Variants in OPA3 observed in about 807,000 individuals in gnomAD.
The protein encoded by OPA3 is optic atrophy 3 protein.
A neutral mutation model predicts 4.0 loss-of-function variants in OPA3; 6 were observed. The observed-to-expected ratio is 1.51, with a 90% confidence interval of 0.83 to 2.99. OPA3 has a LOEUF of 2.99. OPA3 is among the 30% of genes most tolerant of loss of function. The probability of loss-of-function intolerance (pLI) is 0.00; values close to 1 mark genes in which losing one functional copy is unlikely to be tolerated. For missense variants in OPA3, 235 were observed against 256.2 expected (o/e 0.92, Z 0.56); for synonymous variants, 105 against 117.1 (o/e 0.90, Z 0.67).
intron 1 of OPA3, among the ~76,000 whole-genome samples, chr19:45,538,040 G>C (rs1356200539): frequency 6.9e-6 from 1 of 144,004 alleles, no homozygotes; most frequent in Non-Finnish European, 1.5e-5. Context: ...GTTGCAGGTT[G>C]CAGTGAGCTG....
chr19:45,551,812 G>A lies in OPA3; in HGVS notation c.*1702C>T, dbSNP rs1969337281. The A allele has an allele frequency of 2.0e-6, 2 of 985,382 alleles. No homozygotes were observed. The highest frequency in any genetic ancestry group is 2.4e-6 in the Non-Finnish European group (2 of 829,996). The allele number at this position is 985,382 out of a possible 1,614,324, so 61.0% of individuals were successfully genotyped here. A position where few individuals can be genotyped will look rare whatever the true frequency, so the allele number is the denominator to read the frequency against. On this transcript the variant is annotated 3_prime_UTR_variant, in exon 2 of 2. Coordinates refer to ENST00000263275, the MANE Select transcript of OPA3 (RefSeq NM_025136.4). ...CTGTCGGGTCAGTCCAGAGCTCCGA[G>A]GAAAGAAAGCAAGAGCACACAGATT...
chr19:45,583,847 G>C (rs1466772261), intron 1 of OPA3, among the ~76,000 whole-genome samples: 2 of 152,180 alleles, frequency 1.3e-5, no homozygotes, highest in Non-Finnish European at 2.9e-5. Context: ...CCTCTAGGCA[G>C]CCCTGCTGGC....
chr19:45,544,937 C>T (rs894573632), downstream of OPA3, among the ~76,000 whole-genome samples: 43 of 149,754 alleles, frequency 2.9e-4, no homozygotes, highest in African/African-American at 1.0e-3. Context: ...GAGCCGAGAT[C>T]GTGTCATTGC....
rs1220531714 is a variant in OPA3, at chr19:45,550,506, G to A, written c.*3008C>T. On this transcript the variant is annotated 3_prime_UTR_variant, in exon 2 of 2. Coordinates refer to ENST00000263275, the MANE Select transcript of OPA3 (RefSeq NM_025136.4). ...CCCTCCCAGCCTCTGCTCAGCCATCGCCTCTCCCTCCTCACTCTGCAGCTG... is the reference window on the plus strand; with the variant it reads ...CCCTCCCAGCCTCTGCTCAGCCATCACCTCTCCCTCCTCACTCTGCAGCTG... The A allele has an allele frequency of 1.6e-5, 16 of 986,566 alleles. No homozygotes were observed. The highest frequency in any genetic ancestry group is 1.8e-5 in the Non-Finnish European group (15 of 830,994). The allele number at this position is 986,566 out of a possible 1,614,324, so 61.1% of individuals were successfully genotyped here.
At chr19:45,564,992 C>G (rs908396490) in intron 1 of OPA3, among the ~76,000 whole-genome samples, 1 of 150,872 alleles carries the variant, frequency 6.6e-6, no homozygotes, top group South Asian at 2.1e-4. Flanking sequence ...TTCGGGAGAC[C>G]GAGGTGGGCG....
chr19:45,539,732 C>T lies in OPA3; in HGVS notation c.143-10276G>A, dbSNP rs201173015. On this transcript the variant is annotated intron_variant, in intron 1 of 1. Coordinates refer to the OPA3 transcript ENST00000323060. ...GCGCGTCACTGCACTCCAGCCTGGG[C>T]GACAGAGCCAGACCTTGTCTCAAAA... is the stretch of plus-strand genomic sequence containing the variant. Among the ~76,000 whole-genome samples the T allele has an allele frequency of 1.4e-4, 21 of 148,278 alleles. No individual in the cohort carries two copies. The East Asian group carries it at 1.6e-3, about 11-fold the overall frequency.
downstream of OPA3, among the ~76,000 whole-genome samples, chr19:45,543,390 G>A (rs775916585): frequency 4.6e-5 from 7 of 151,086 alleles, no homozygotes; most frequent in African/African-American, 9.7e-5. Context: ...ACGTGATCTC[G>A]GCTCACTGTA....
chr19:45,576,297 A>C (rs920077518), intron 1 of OPA3, among the ~76,000 whole-genome samples: 10 of 152,112 alleles, frequency 6.6e-5, no homozygotes, highest in African/African-American at 1.9e-4. Context: ...TTGGGAGGCC[A>C]AGGCAGGTGG....
intron 1 of OPA3, among the ~76,000 whole-genome samples, chr19:45,562,748 C>T (rs764234676): frequency 8.5e-5 from 13 of 152,114 alleles, no homozygotes; most frequent in Non-Finnish European, 1.6e-4. Flanking sequence ...TGGAGAAGAT[C>T]CTGGAACAGG....
At chr19:45,557,003 C>T (rs942601961) in intron 1 of OPA3, among the ~76,000 whole-genome samples, 7 of 152,346 alleles carry the variant, frequency 4.6e-5, no homozygotes, top group Non-Finnish European at 7.4e-5. Context: ...ACTCGCCAGA[C>T]CTGGTGGTGG....
Position 45,552,772 on chromosome 19 carries a change from T to G in OPA3, c.*742A>C. ...CTCACCGCAACCTCCACCTCATGGGTTCAAGCAATTCTCCTGCCTCAGCCT... is the reference window on the plus strand; with the variant it reads ...CTCACCGCAACCTCCACCTCATGGGGTCAAGCAATTCTCCTGCCTCAGCCT... On this transcript the variant is annotated 3_prime_UTR_variant, in exon 2 of 2. Coordinates refer to ENST00000263275, the MANE Select transcript of OPA3 (RefSeq NM_025136.4). The G allele has an allele frequency of 6.4e-6, 1 of 155,896 alleles. No homozygotes were observed. The highest frequency in any genetic ancestry group is 1.4e-5 in the Non-Finnish European group (1 of 71,488). 9.7% of individuals were successfully genotyped at this position (155,896 alleles called of 1,614,324 possible).
At chr19:45,566,569 C>T (rs1053666699) in intron 1 of OPA3, among the ~76,000 whole-genome samples, 1 of 151,778 alleles carries the variant, frequency 6.6e-6, no homozygotes, top group African/African-American at 2.4e-5. Context: ...CTCCTAGGTT[C>T]GAGTGATTCT....
chr19:45,544,794 C>CT (rs1330240781), downstream of OPA3, among the ~76,000 whole-genome samples: 33 of 101,562 alleles, frequency 3.2e-4, no homozygotes, highest in African/African-American at 1.0e-3. Flanking sequence ...AACTCCGTCT[C>CT]AAAATAAATA....
intron 1 of OPA3, among the ~76,000 whole-genome samples, chr19:45,570,636 G>C (rs1413077281): frequency 1.3e-5 from 2 of 152,034 alleles, no homozygotes; most frequent in African/African-American, 4.8e-5. Context: ...GCAGCGAGCT[G>C]AGATTGAACC....
intron 1 of OPA3, among the ~76,000 whole-genome samples, chr19:45,537,220 G>A (rs998719478): frequency 6.6e-6 from 1 of 151,204 alleles, no homozygotes; most frequent in Non-Finnish European, 1.5e-5. Flanking sequence ...ATGGAGTCTC[G>A]CTCTGTCGCC....
intron 1 of OPA3, among the ~76,000 whole-genome samples, chr19:45,576,981 G>C (rs1079272): frequency 6.6e-6 from 1 of 151,758 alleles, no homozygotes; most frequent in Non-Finnish European, 1.5e-5. Context: ...ACCAGTGCGC[G>C]CCAAAGGAAT....
chr19:45,572,445 AATATATG>A (rs1969688711), intron 1 of OPA3, among the ~76,000 whole-genome samples: 1 of 130,518 alleles, frequency 7.7e-6, no homozygotes, highest in African/African-American at 2.9e-5. Context: ...TATGTATATC[AATATATG>A]ATATATATCA....
At chr19:45,536,332 T>C (rs1009056342) in intron 1 of OPA3, among the ~76,000 whole-genome samples, 3 of 150,506 alleles carry the variant, frequency 2.0e-5, no homozygotes, top group Non-Finnish European at 4.4e-5. Flanking sequence ...TCACATGAGG[T>C]CAGGAGTTTG....
chr19:45,551,932 A>C lies in OPA3; in HGVS notation c.*1582T>G. The C allele has an allele frequency of 1.0e-6, 1 of 985,588 alleles. No homozygotes were observed. Among genetic ancestry groups the C allele is most frequent in the South Asian group, 4.7e-5 (1 of 21,284 alleles). 61.1% of individuals were successfully genotyped at this position (985,588 alleles called of 1,614,324 possible). On this transcript the variant is annotated 3_prime_UTR_variant, in exon 2 of 2. Transcript: ENST00000263275. Reference sequence around the variant, plus strand: ...AGAAATGCTACTGAGCAAGGTGGGGAAGGCAAGAAAGGACATGCCACACAG... The same window carrying C: ...AGAAATGCTACTGAGCAAGGTGGGGCAGGCAAGAAAGGACATGCCACACAG...
Sources: gnomAD v4.1 joint callset for allele counts (sites outside exome capture counted in the v4.1 genomes callset) on GRCh38, gnomAD v4.1.1 for gene constraint, MANE v1.5 for transcripts, NCBI Gene and HGNC (gene_info 2026-07-23, HGNC 2026-07-21) for gene names.